SPIDR: variants seen among roughly 807,000 people sequenced by gnomAD.
SPIDR encodes the protein scaffold protein involved in DNA repair.
SPIDR carries 93 observed loss-of-function variants against 104.6 expected under a neutral mutation model. The ratio of observed to expected loss-of-function variants is 0.89; its 90% confidence interval spans 0.75 to 1.06. The LOEUF (loss-of-function observed/expected upper bound fraction) is 1.06. Ranked by LOEUF, SPIDR falls within the 50% of genes least tolerant of loss-of-function variation. SPIDR has a pLI of 0.00. For missense variants in SPIDR, 1,154 were observed against 1,111.2 expected (o/e 1.04, Z -0.55); for synonymous variants, 431 against 416.9 (o/e 1.03, Z -0.41).
At chr8:47,409,393 C>CT (rs549484008) in intron 7 of SPIDR, among the ~76,000 whole-genome samples, 1 of 152,116 alleles carries the variant, frequency 6.6e-6, no homozygotes, top group African/African-American at 2.4e-5. Flanking sequence ...TTCCACATGT[C>CT]TAGAAAAGCC....
intron 10 of SPIDR, among the ~76,000 whole-genome samples, chr8:47,655,377 C>G (rs1048781282): frequency 2.0e-4 from 31 of 152,332 alleles, no homozygotes; most frequent in African/African-American, 7.5e-4. Flanking sequence ...CACATCCTCT[C>G]CAGCACCTGT....
chr8:47,595,096 C>T (rs1284365668), intron 8 of SPIDR, among the ~76,000 whole-genome samples: 1 of 152,164 alleles, frequency 6.6e-6, no homozygotes, highest in African/African-American at 2.4e-5. Context: ...GGTCTCTTCT[C>T]TCCACCTCTC....
At chr8:47,470,762 T>C (rs1306238638) in intron 8 of SPIDR, among the ~76,000 whole-genome samples, 1 of 151,774 alleles carries the variant, frequency 6.6e-6, no homozygotes, top group Non-Finnish European at 1.5e-5. Context: ...TGAGACGGAG[T>C]CTGGCTCTGT....
chr8:47,413,344 A>T (rs1554673154), intron 7 of SPIDR, among the ~76,000 whole-genome samples: 1 of 152,206 alleles, frequency 6.6e-6, no homozygotes, highest in Non-Finnish European at 1.5e-5. Flanking sequence ...TAGAGGAGGG[A>T]GGTGACTTGC....
At chr8:47,512,028 C>T (rs1202085086) in intron 8 of SPIDR, 5 of 734,408 alleles carry the variant, frequency 6.8e-6, no homozygotes, top group South Asian at 3.0e-5. Flanking sequence ...CATAAAAGCT[C>T]GCTAGCGCAA....
At chr8:47,534,970 T>C (rs933008513) in intron 8 of SPIDR, among the ~76,000 whole-genome samples, 9 of 152,130 alleles carry the variant, frequency 5.9e-5, no homozygotes, top group Admixed American at 3.9e-4. Context: ...CCATTACTAC[T>C]GATCCCATAG....
At chr8:47,598,688 T>C (rs530331876) in intron 9 of SPIDR, among the ~76,000 whole-genome samples, 1 of 152,350 alleles carries the variant, frequency 6.6e-6, no homozygotes, top group South Asian at 2.1e-4. Flanking sequence ...TTCAAAGACC[T>C]GCCTGGTATA....
intron 7 of SPIDR, among the ~76,000 whole-genome samples, chr8:47,418,917 C>T (rs1371240230): frequency 1.2e-4 from 18 of 152,226 alleles, no homozygotes; most frequent in Admixed American, 1.1e-3. Flanking sequence ...TGCTGGGTTA[C>T]GTTTATTGAT....
chr8:47,618,688 G>A (rs2064701454), intron 10 of SPIDR, among the ~76,000 whole-genome samples: 1 of 152,054 alleles, frequency 6.6e-6, no homozygotes, highest in Non-Finnish European at 1.5e-5. Flanking sequence ...TGTACTTTGA[G>A]GTAAGAACAG....
At chr8:47,597,355 A>G (rs1280927028) in intron 9 of SPIDR, among the ~76,000 whole-genome samples, 1 of 152,066 alleles carries the variant, frequency 6.6e-6, no homozygotes, top group African/African-American at 2.4e-5. Flanking sequence ...TCCTAATGCT[A>G]TCCCTACCCC....
intron 15 of SPIDR, chr8:47,713,221 GCTAT>G (rs1422726123): frequency 1.7e-6 from 1 of 600,608 alleles, no homozygotes; most frequent in Non-Finnish European, 2.7e-6. Flanking sequence ...TCCTGCCTCA[GCTAT>G]CTTTTTTAAT....
At chr8:47,659,535 T>C (rs1046468810) in intron 10 of SPIDR, 1 of 157,164 alleles carries the variant, frequency 6.4e-6, no homozygotes, top group African/African-American at 2.4e-5. Context: ...GAACACAATG[T>C]CCTGCTGTCT....
At chr8:47,594,372 A>G (rs754717022) in intron 8 of SPIDR, among the ~76,000 whole-genome samples, 3 of 151,852 alleles carry the variant, frequency 2.0e-5, no homozygotes, top group Non-Finnish European at 4.4e-5. Flanking sequence ...ATCTCAAAAA[A>G]AAGAAAAAGG....
chr8:47,733,599 C>T (rs1419231027), intron 19 of SPIDR, among the ~76,000 whole-genome samples: 2 of 151,952 alleles, frequency 1.3e-5, no homozygotes, highest in African/African-American at 4.8e-5. Flanking sequence ...GCGCATATGC[C>T]GCCTCCACCC....
chr8:47,521,503 C>T (rs569051519), intron 8 of SPIDR, among the ~76,000 whole-genome samples: 25 of 151,284 alleles, frequency 1.7e-4, no homozygotes, highest in Admixed American at 1.2e-3. Context: ...CTGTAACCTC[C>T]GCCTCCTGGG....
intron 10 of SPIDR, among the ~76,000 whole-genome samples, chr8:47,625,257 A>G (rs1251956017): frequency 6.6e-6 from 1 of 152,252 alleles, no homozygotes; most frequent in Non-Finnish European, 1.5e-5. Flanking sequence ...AGAGCTATCT[A>G]TGGCAAACCC....
chr8:47,706,934 A>G (rs1375977142), intron 14 of SPIDR, among the ~76,000 whole-genome samples: 1 of 152,078 alleles, frequency 6.6e-6, no homozygotes, highest in African/African-American at 2.4e-5. Context: ...CTTGGCCAAC[A>G]TAGTGAGACT....
chr8:47,554,309 T>C (rs191109906), intron 8 of SPIDR, among the ~76,000 whole-genome samples: 1 of 152,322 alleles, frequency 6.6e-6, no homozygotes, highest in Non-Finnish European at 1.5e-5. Flanking sequence ...TCTGCAGAAA[T>C]TGGCTGCTGC....
At chr8:47,436,645 G>A (rs1227879112) in intron 7 of SPIDR, among the ~76,000 whole-genome samples, 1 of 152,174 alleles carries the variant, frequency 6.6e-6, no homozygotes, top group Non-Finnish European at 1.5e-5. Context: ...AGGATCCCTT[G>A]AGCCCAGGTT....
Sources: gnomAD v4.1 joint callset for allele counts (sites outside exome capture counted in the v4.1 genomes callset) on GRCh38, gnomAD v4.1.1 for gene constraint, MANE v1.5 for transcripts, NCBI Gene and HGNC (gene_info 2026-07-23, HGNC 2026-07-21) for gene names.